The following ZCCHC14 variants were observed in gnomAD, a reference collection of about 807,000 sequenced individuals.
ZCCHC14 encodes zinc finger CCHC-type containing 14, also known as zinc finger CCHC domain-containing protein 14.
ZCCHC14 carries 16 observed loss-of-function variants against 85.0 expected under a neutral mutation model. The observed-to-expected ratio is 0.19, with a 90% CI of 0.13 to 0.29. ZCCHC14 has a LOEUF of 0.29. Among genes scored for constraint, ZCCHC14 ranks in the 10% least tolerant of loss-of-function variants. ZCCHC14 has a pLI of 1.00. For synonymous variants in ZCCHC14, 775 were observed against 630.7 expected (o/e 1.23, Z -3.43); for missense variants, 1,303 against 1,443.5 (o/e 0.90, Z 1.58).
At chr16:87,427,497 C>A (rs1909433117) in intron 3 of ZCCHC14, among the ~76,000 whole-genome samples, 1 of 152,268 alleles carries the variant, frequency 6.6e-6, no homozygotes, top group South Asian at 2.1e-4. Context: ...CAACCAACCT[C>A]CGCCTCCCGG....
intron 4 of ZCCHC14, 139 bp downstream of exon 4, chr16:87,423,671 G>A (rs1308193545): frequency 1.1e-6 from 1 of 896,164 alleles, no homozygotes; most frequent in Admixed American, 2.5e-5. Context: ...GGACTCCACT[G>A]TGGCTGGGCA....
intron 3 of ZCCHC14, among the ~76,000 whole-genome samples, chr16:87,427,469 C>T (rs932348601): frequency 6.6e-6 from 1 of 152,148 alleles, no homozygotes; most frequent in African/African-American, 2.4e-5. Context: ...AGTGCAGTGG[C>T]GCGATCTCAG....
At chr16:87,480,124 C>A (rs1350486856) in intron 1 of ZCCHC14, among the ~76,000 whole-genome samples, 1 of 151,942 alleles carries the variant, frequency 6.6e-6, no homozygotes, top group African/African-American at 2.4e-5. Flanking sequence ...GAAAGTAGGG[C>A]CAGGCGCAGT....
Position 87,433,329 on chromosome 16 carries a change from G to A in ZCCHC14, c.695-128C>T, listed in dbSNP as rs760085748. 5.2e-5 allele frequency: 44 copies of A among 839,170 alleles called. No individual in the cohort carries two copies. The African/African-American group carries it at 5.3e-4, about 10-fold the overall frequency. 52.0% of individuals were successfully genotyped at this position (839,170 alleles called of 1,614,324 possible). A position where few individuals can be genotyped will look rare whatever the true frequency, so the allele number is the denominator to read the frequency against. The stretch of plus-strand genomic sequence containing the variant: ...CACCCAAGGCTGTCCTGTCACTTTG[G>A]TGGCATCTCACCTAGAACCAGAGCC... On this transcript the variant is annotated intron_variant, in intron 2 of 12. Transcript: ENST00000671377.
intron 2 of ZCCHC14, among the ~76,000 whole-genome samples, chr16:87,437,945 T>C (rs2150741915): frequency 6.6e-6 from 1 of 152,348 alleles, no homozygotes. Flanking sequence ...GATGCCAAGG[T>C]GTACAGCTTC....
At chr16:87,429,923 A>G (rs1258955276) in intron 3 of ZCCHC14, among the ~76,000 whole-genome samples, 2 of 152,114 alleles carry the variant, frequency 1.3e-5, no homozygotes, top group Non-Finnish European at 2.9e-5. Context: ...CCCATCTCTT[A>G]AAAAAAAGTT....
chr16:87,426,864 G>A (rs1046817422), intron 3 of ZCCHC14, among the ~76,000 whole-genome samples: 4 of 152,218 alleles, frequency 2.6e-5, no homozygotes, highest in African/African-American at 9.7e-5. Context: ...GCATATCCGA[G>A]AACAGGATGC....
chr16:87,420,673 G>C lies in ZCCHC14; in HGVS notation c.884C>G (p.Pro295Arg). The C allele has an allele frequency of 1.9e-6, 3 of 1,613,894 alleles. No individual in the cohort carries two copies. Among genetic ancestry groups the C allele is most frequent in the Non-Finnish European group, 2.5e-6 (3 of 1,179,880 alleles). The change falls in exon 5 of 13, where the codon CCT (proline) becomes CGT (arginine). Residue 295 changes from proline (P) to arginine (R), a missense_variant. Pro to Arg is a moderately radical substitution (Grantham distance 103). Coordinates refer to ENST00000671377, the MANE Select transcript of ZCCHC14 (RefSeq NM_015144.3). This position sits in a 1 kb window ranked among gnomAD's most constrained non-coding sequence, Gnocchi z 5.0. Reference sequence around the variant, plus strand: ...AAATGCGTCCGGACCAGCTAAGCAAGGAATGAGTTTCTCCAAGTTCTCTTC... The same window carrying C: ...AAATGCGTCCGGACCAGCTAAGCAACGAATGAGTTTCTCCAAGTTCTCTTC... ...YPEENLEKLIPCLAGPDAFYV... is the reference protein window; with the variant it reads ...YPEENLEKLIRCLAGPDAFYV...
intron 1 of ZCCHC14, among the ~76,000 whole-genome samples, chr16:87,482,296 C>T (rs2098511367): frequency 6.6e-6 from 1 of 151,984 alleles, no homozygotes; most frequent in South Asian, 2.1e-4. Context: ...GAAAAGGTCA[C>T]GAATTATAAA....
chr16:87,452,785 C>A (rs948762695), intron 2 of ZCCHC14, among the ~76,000 whole-genome samples: 2 of 106,734 alleles, frequency 1.9e-5, no homozygotes, highest in Non-Finnish European at 4.3e-5. Context: ...CCCTGGTGAC[C>A]CCCCTCGTGA....
chr16:87,467,369 T>G lies in ZCCHC14; in HGVS notation c.571-7238A>C. ...TCCAACTCTGCACCCCTGGGGTAAT[T>G]AAGCAAGAGAAACTGGGCACAGTTT... On this transcript the variant is annotated intron_variant, in intron 1 of 12. Transcript: ENST00000671377. 3.1e-6 allele frequency: 5 copies of G among 1,598,542 alleles called. No individual in the cohort carries two copies. The South Asian group carries it at 5.5e-5, about 18-fold the overall frequency.
At chr16:87,413,027 C>T (rs1908561253) in intron 11 of ZCCHC14, 28 bp downstream of exon 11, 10 of 1,614,094 alleles carry the variant, frequency 6.2e-6, no homozygotes, top group Non-Finnish European at 7.6e-6. Flanking sequence ...TGGGCCAGGT[C>T]GAGCCAGCGC....
chr16:87,448,932 A>G (rs959932076), intron 2 of ZCCHC14, among the ~76,000 whole-genome samples: 9 of 152,228 alleles, frequency 5.9e-5, no homozygotes, highest in Non-Finnish European at 1.2e-4. Context: ...AGCTGTGGCC[A>G]TAAGACTCAC....
In ZCCHC14 at chr16:87,412,475, G is replaced by T. The variant is rs754459491; in HGVS notation, c.2246C>A (p.Pro749Gln). ...LDRVLKTAQQ[P>Q]ALVVETSTAA... ...CGTGCTGGTCTCCACGACCAGGGCC[G>T]GTTGCTGTGCTGTCTTCAGCACCCT... is the stretch of plus-strand genomic sequence containing the variant. Residue 749 changes from proline to glutamine, a missense_variant, in exon 12 of 13, where the codon CCG becomes CAG. Physicochemically the swap from Pro to Gln is moderately conservative, Grantham distance 76. This residue lies in a region of ZCCHC14 where 797 missense variants were observed against 730.8 expected (regional missense o/e 1.09). Transcript: ENST00000671377. 2 of 1,613,932 alleles carry T rather than the reference G, an allele frequency of 1.2e-6. No individual in the cohort carries two copies. The highest frequency in any genetic ancestry group is 1.7e-6 in the Non-Finnish European group (2 of 1,179,976).
In ZCCHC14 at chr16:87,461,712, G is replaced by C. The variant is rs191804433; in HGVS notation, c.571-1581C>G. 3.0e-3 allele frequency among the ~76,000 whole-genome samples: 458 copies of C among 152,322 alleles called. 3 individuals are homozygous for C. The highest frequency in any genetic ancestry group is 4.1e-3 in the Non-Finnish European group (277 of 68,016). ...GAAAGTGGAGGCGGAAGCTGGAGTT[G>C]GGAGGAAAGGGTGGAGACTGCTGCC... On this transcript the variant is annotated intron_variant, in intron 1 of 12. Transcript: ENST00000671377.
Position 87,420,670 on chromosome 16 carries a change from C to T in ZCCHC14, c.887G>A (p.Cys296Tyr), listed in dbSNP as rs754512149. 8.1e-6 allele frequency: 13 copies of T among 1,613,776 alleles called. No homozygotes were observed. Among genetic ancestry groups the T allele is most frequent in the Non-Finnish European group, 1.1e-5 (13 of 1,179,894 alleles). The change falls in exon 5 of 13, where the codon TGC becomes TAC. Residue 296 changes from cysteine to tyrosine, a missense_variant. By Grantham distance (194) the Cys-to-Tyr change is radical (BLOSUM62 -2). Transcript: ENST00000671377. The surrounding 1 kb of genome is among the most constrained non-coding windows in gnomAD (Gnocchi z 5.0). ...ATAAAATGCGTCCGGACCAGCTAAGCAAGGAATGAGTTTCTCCAAGTTCTC... is the reference window on the plus strand; with the variant it reads ...ATAAAATGCGTCCGGACCAGCTAAGTAAGGAATGAGTTTCTCCAAGTTCTC... ...PEENLEKLIP[C>Y]LAGPDAFYVE...
chr16:87,425,922 G>A (rs1299261664), intron 3 of ZCCHC14, among the ~76,000 whole-genome samples: 1 of 152,218 alleles, frequency 6.6e-6, no homozygotes, highest in Admixed American at 6.5e-5. Context: ...AACATGGTAT[G>A]GACAGATCAT....
At chr16:87,414,690 C>A in intron 9 of ZCCHC14, 149 bp from the exon 10 acceptor site, 1 of 1,140,960 alleles carries the variant, frequency 8.8e-7, no homozygotes, top group Non-Finnish European at 1.2e-6. Flanking sequence ...CAGGGAAATT[C>A]CCCCCAGAGC....
At chr16:87,489,889 G>A (rs1362228336) in intron 1 of ZCCHC14, among the ~76,000 whole-genome samples, 1 of 152,168 alleles carries the variant, frequency 6.6e-6, no homozygotes, top group Non-Finnish European at 1.5e-5. Context: ...AAGAGATGAC[G>A]TTACTGTAGC....
Sources: gnomAD v4.1 joint callset for allele counts (sites outside exome capture counted in the v4.1 genomes callset) on GRCh38, gnomAD v4.1.1 for gene constraint, gnomAD v4.1.1 regional missense constraint, Gnocchi (gnomAD v3.1) non-coding constraint, MANE v1.5 for transcripts, NCBI Gene and HGNC (gene_info 2026-07-23, HGNC 2026-07-21) for gene names.